Variants in KPNA5 observed in about 807,000 individuals in gnomAD.
KPNA5 encodes importin subunit alpha-6.
Under a neutral mutation model 71.3 loss-of-function variants are expected in KPNA5, and 46 were observed. That is an observed-to-expected ratio of 0.65 (90% CI 0.51 to 0.83). KPNA5 has a LOEUF of 0.83. Among genes scored for constraint, KPNA5 ranks in the 40% least tolerant of loss-of-function variants. The probability of loss-of-function intolerance (pLI) is 0.00; values close to 1 mark genes in which losing one functional copy is unlikely to be tolerated. For synonymous variants in KPNA5, 207 were observed against 201.4 expected (o/e 1.03, Z -0.24); for missense variants, 547 against 628.3 (o/e 0.87, Z 1.38).
In KPNA5 at chr6:116,717,241, C is replaced by T. The variant is rs143145170; in HGVS notation, c.756+923C>T. On this transcript the variant is annotated intron_variant, in intron 8 of 13. Coordinates refer to ENST00000368564, the MANE Select transcript of KPNA5 (RefSeq NM_001366306.2). ...GCAAATGTCAACAAAATGAGAAAGA[C>T]GAATGATGTCTTAGTATTATTATGA... 1.6e-4 allele frequency among the ~76,000 whole-genome samples: 24 copies of T among 152,186 alleles called. No homozygotes were observed. In the East Asian group the frequency reaches 1.9e-3, roughly 12 times the overall value.
intron 8 of KPNA5, among the ~76,000 whole-genome samples, chr6:116,720,052 CT>C (rs1779045309): frequency 6.6e-6 from 1 of 152,204 alleles, no homozygotes; most frequent in South Asian, 2.1e-4. Flanking sequence ...TTCAAATAAA[CT>C]TCCAGTCTTT....
At chr6:116,716,707 A>G (rs1778901457) in intron 8 of KPNA5, among the ~76,000 whole-genome samples, 1 of 152,126 alleles carries the variant, frequency 6.6e-6, no homozygotes, top group African/African-American at 2.4e-5. Context: ...CTATCTACTG[A>G]TATTTTGCCT....
chr6:116,727,147 G>A (rs1471866321), intron 12 of KPNA5, among the ~76,000 whole-genome samples: 1 of 151,842 alleles, frequency 6.6e-6, no homozygotes, highest in Admixed American at 6.6e-5. Flanking sequence ...TGCTGACAAT[G>A]TAAATAATAG....
At chr6:116,699,599 A>G (rs1778156234) in intron 5 of KPNA5, among the ~76,000 whole-genome samples, 1 of 152,198 alleles carries the variant, frequency 6.6e-6, no homozygotes, top group Non-Finnish European at 1.5e-5. Context: ...AAAGGAATGT[A>G]TTGCATGTGT....
rs1205005966 is a variant in KPNA5, at chr6:116,702,075, G to A, written c.492G>A (p.Lys164=). The stretch of plus-strand genomic sequence containing the variant: ...CATCTGGAACTTTTCTGCATACCAA[G>A]GTAGTGATTGAAACTGGGGCTGTTC... ...NIASGTFLHT[K]VVIETGAVPI... is the part of the protein sequence containing the mutation. The change falls in exon 6 of 14, where the codon AAG becomes AAA. Residue 164 remains lysine (K), a synonymous_variant. Coordinates refer to ENST00000368564, the MANE Select transcript of KPNA5 (RefSeq NM_001366306.2). The A allele has an allele frequency of 1.2e-6, 2 of 1,613,786 alleles. No individual in the cohort carries two copies. Among genetic ancestry groups the A allele is most frequent in the Middle Eastern group, 1.7e-4 (1 of 6,060 alleles).
intron 1 of KPNA5, among the ~76,000 whole-genome samples, chr6:116,684,523 A>C (rs1777495372): frequency 6.6e-6 from 1 of 152,126 alleles, no homozygotes; most frequent in South Asian, 2.1e-4. Flanking sequence ...ACTACAACTT[A>C]AATATTCCTT....
Position 116,733,031 on chromosome 6 carries a change from TTC to T in KPNA5, c.*710_*711del, listed in dbSNP as rs915005097. The T allele has an allele frequency of 9.9e-5, 15 of 151,998 alleles. No individual in the cohort carries two copies. The highest frequency in any genetic ancestry group is 2.9e-4 in the African/African-American group (12 of 41,564). The allele number at this position is 151,998 out of a possible 1,614,324, so 9.4% of individuals were successfully genotyped here. On this transcript the variant is annotated 3_prime_UTR_variant, in exon 14 of 14. Transcript: ENST00000368564. ...ATTACTTTATAAAATGTTTAAATAT[TTC>T]TGTTTTTAACATATAAGTGCTATGT...
rs115665525 is a variant in KPNA5 at position 116,685,300 on chromosome 6, C to T, written c.4+3962C>T. 2.2e-3 allele frequency among the ~76,000 whole-genome samples: 329 copies of T among 152,184 alleles called. 1 individual carries two copies. Among genetic ancestry groups the T allele is most frequent in the African/African-American group, 7.5e-3 (311 of 41,514 alleles). On this transcript the variant is annotated intron_variant, in intron 1 of 13. Coordinates refer to ENST00000368564, the MANE Select transcript of KPNA5 (RefSeq NM_001366306.2). ...GGTTTTGTTGTTGTTGTTTATTTTA[C>T]CTTTAGGCTCAGGGGCACATGTGCA...
intron 11 of KPNA5, 25 bp from the exon 12 acceptor site, chr6:116,726,470 G>T: frequency 6.3e-7 from 1 of 1,592,732 alleles, no homozygotes; most frequent in South Asian, 1.1e-5. Context: ...TATTTGTACT[G>T]ATTATATATT....
Position 116,738,215 on chromosome 6 carries a change from A to G in KPNA5, c.*5892A>G, listed in dbSNP as rs953901072. 3 of 152,188 alleles carry G rather than the reference A, an allele frequency of 2.0e-5. No homozygotes were observed. Among genetic ancestry groups the G allele is most frequent in the African/African-American group, 7.2e-5 (3 of 41,470 alleles). The allele number at this position is 152,188 out of a possible 1,614,324, so 9.4% of individuals were successfully genotyped here. A position where few individuals can be genotyped will look rare whatever the true frequency, so the allele number is the denominator to read the frequency against. On this transcript the variant is annotated 3_prime_UTR_variant, in exon 14 of 14. Transcript: ENST00000368564. Reference sequence around the variant, plus strand: ...ATACAAACTACCATCAGAGAATACTATAAACACCTCTACGCAAATATACTA... The same window carrying G: ...ATACAAACTACCATCAGAGAATACTGTAAACACCTCTACGCAAATATACTA...
rs1048137943 is a variant in KPNA5, at chr6:116,738,298, C to A, written c.*5975C>A. On this transcript the variant is annotated 3_prime_UTR_variant, in exon 14 of 14. Transcript: ENST00000368564. Reference sequence around the variant, plus strand: ...CACATAAACCCTCCCAAGACTAAACCAGGAAGAAGTTGAATCTCTGAATAG... The same window carrying A: ...CACATAAACCCTCCCAAGACTAAACAAGGAAGAAGTTGAATCTCTGAATAG... The A allele has an allele frequency of 5.9e-5, 9 of 152,002 alleles. No individual in the cohort carries two copies. Among genetic ancestry groups the A allele is most frequent in the African/African-American group, 2.2e-4 (9 of 41,374 alleles). The allele number at this position is 152,002 out of a possible 1,614,324, so 9.4% of individuals were successfully genotyped here.
At chr6:116,722,611 A>G (rs1301975374) in intron 9 of KPNA5, among the ~76,000 whole-genome samples, 1 of 152,258 alleles carries the variant, frequency 6.6e-6, no homozygotes, top group Admixed American at 6.5e-5. Context: ...AATGAAGTAT[A>G]GAACACAGTT....
intron 7 of KPNA5, among the ~76,000 whole-genome samples, chr6:116,711,567 T>G (rs1298934461): frequency 6.6e-6 from 1 of 152,044 alleles, no homozygotes; most frequent in African/African-American, 2.4e-5. Context: ...TGTGTGTGTT[T>G]TAACTCACTA....
rs912182967 is a variant in KPNA5, at chr6:116,736,188, C to T, written c.*3865C>T. 5.3e-5 allele frequency: 8 copies of T among 151,672 alleles called. No homozygotes were observed. Among genetic ancestry groups the T allele is most frequent in the Non-Finnish European group, 1.2e-4 (8 of 67,802 alleles). 9.4% of individuals were successfully genotyped at this position (151,672 alleles called of 1,614,324 possible). A position where few individuals can be genotyped will look rare whatever the true frequency, so the allele number is the denominator to read the frequency against. ...CAATGGATAAATAAAATGTTATATTCATAAAATGGGATATTACTCAGTAAT... is the reference window on the plus strand; with the variant it reads ...CAATGGATAAATAAAATGTTATATTTATAAAATGGGATATTACTCAGTAAT... On this transcript the variant is annotated 3_prime_UTR_variant, in exon 14 of 14. Coordinates refer to ENST00000368564, the MANE Select transcript of KPNA5 (RefSeq NM_001366306.2).
At chr6:116,725,705 G>A in intron 10 of KPNA5, 46 bp from the exon 11 acceptor site, 1 of 1,487,668 alleles carries the variant, frequency 6.7e-7, no homozygotes, top group Non-Finnish European at 9.2e-7. Flanking sequence ...TTTCATATAG[G>A]TTATTTACTA....
At chr6:116,707,469 TA>T (rs1778490400) in intron 7 of KPNA5, among the ~76,000 whole-genome samples, 1 of 152,218 alleles carries the variant, frequency 6.6e-6, no homozygotes, top group African/African-American at 2.4e-5. Flanking sequence ...TGGCCAGCTT[TA>T]TCTCTCAGGT....
chr6:116,727,923 T>G (rs963773057), intron 12 of KPNA5, among the ~76,000 whole-genome samples: 54 of 152,240 alleles, frequency 3.5e-4, no homozygotes, highest in African/African-American at 1.2e-3. Context: ...TTCTAATGCA[T>G]ATTTGATTTA....
chr6:116,681,301 C>A lies in KPNA5; in HGVS notation c.-34C>A. The A allele has an allele frequency of 6.2e-7, 1 of 1,610,480 alleles. No homozygotes were observed. The highest frequency in any genetic ancestry group is 8.5e-7 in the Non-Finnish European group (1 of 1,177,984). On this transcript the variant is annotated 5_prime_UTR_variant, in exon 1 of 14. In the 5' UTR this introduces an upstream ATG that the reference lacks. Transcript: ENST00000368564. ...CCGCCACACACGTCGCCGCTGGGGA[C>A]TGGGAAATCAGGGCATCGGAGAGTG...
intron 10 of KPNA5, 142 bp from the exon 11 acceptor site, chr6:116,725,609 C>A: frequency 1.4e-6 from 1 of 713,828 alleles, no homozygotes; most frequent in Non-Finnish European, 2.2e-6. Flanking sequence ...TAGAAGACAG[C>A]AAGTTTTACT....
Sources: gnomAD v4.1 joint callset for allele counts (sites outside exome capture counted in the v4.1 genomes callset) on GRCh38, gnomAD v4.1.1 for gene constraint, MANE v1.5 for transcripts, NCBI Gene and HGNC (gene_info 2026-07-23, HGNC 2026-07-21) for gene names.